Variants in DLD observed in about 807,000 individuals in gnomAD.
DLD encodes the protein dihydrolipoyl dehydrogenase, mitochondrial.
DLD carries 36 observed loss-of-function variants against 62.2 expected under a neutral mutation model. The observed-to-expected ratio is 0.58, with a 90% CI of 0.44 to 0.76. The LOEUF (loss-of-function observed/expected upper bound fraction) is 0.76. Among genes scored for constraint, DLD ranks in the 30% least tolerant of loss-of-function variants. DLD has a pLI of 0.00. For synonymous variants in DLD, 204 were observed against 199.6 expected, an observed-to-expected ratio of 1.02 and a Z score of -0.19; for missense variants, 541 against 608.6, an observed-to-expected ratio of 0.89 and a Z score of 1.17.
At chr7:107,910,469 CATG>C (rs2032113094) in intron 8 of DLD, among the ~76,000 whole-genome samples, 1 of 152,116 alleles carries the variant, frequency 6.6e-6, no homozygotes, top group East Asian at 1.9e-4. Flanking sequence ...ACTGTGTAGT[CATG>C]ATATCTATTT....
At chr7:107,895,814 CT>C (rs2031706617) in intron 2 of DLD, among the ~76,000 whole-genome samples, 1 of 152,076 alleles carries the variant, frequency 6.6e-6, no homozygotes, top group African/African-American at 2.4e-5. Context: ...CAGGTTGGAC[CT>C]TTTACTGTAA....
intron 2 of DLD, among the ~76,000 whole-genome samples, chr7:107,901,078 T>C (rs1335664865): frequency 1.3e-5 from 2 of 152,138 alleles, no homozygotes; most frequent in Admixed American, 1.3e-4. Flanking sequence ...TAGCCTATTA[T>C]CTTAAGGTAT....
rs2032251198 is a variant in DLD at position 107,915,667 on chromosome 7, CA to C, written c.848del (p.Lys283ArgfsTer42). ...TGAATACAAAGGTTACTGGTGCTAC[CA>C]AGAAGTCAGATGGAAAAATTGATGT... ...KLNTKVTGATKKSDGKIDVSI... is the reference protein window; with the variant it reads ...KLNTKVTGATXKSDGKIDVSI... On this transcript the variant is annotated frameshift_variant, in exon 9 of 14. Transcript: ENST00000205402. LOFTEE classifies it high-confidence loss of function. The C allele has an allele frequency of 1.2e-6, 2 of 1,613,482 alleles. No individual in the cohort carries two copies.
Position 107,891,222 on chromosome 7 carries a change from A to C in DLD, c.-29A>C. 1 of 1,613,946 alleles carries C rather than the reference A, an allele frequency of 6.2e-7. No individual in the cohort carries two copies. The highest frequency in any genetic ancestry group is 8.5e-7 in the Non-Finnish European group (1 of 1,179,838). On this transcript the variant is annotated 5_prime_UTR_variant, in exon 1 of 14. Transcript: ENST00000205402. The stretch of plus-strand genomic sequence containing the variant: ...GGAGGCGCCCAGCGGAGGTGAAAGT[A>C]TTGGCGGAAAGGAAAATACAGCGGA...
At chr7:107,891,338 C>G (rs762389572) in intron 1 of DLD, 49 bp downstream of exon 1, 2 of 1,608,572 alleles carry the variant, frequency 1.2e-6, no homozygotes, top group South Asian at 1.1e-5. Context: ...CACGGAAGGT[C>G]CCGCTCAGTG....
intron 8 of DLD, 28 bp downstream of exon 8, chr7:107,906,396 A>G: frequency 7.0e-7 from 1 of 1,432,114 alleles, no homozygotes; most frequent in South Asian, 1.1e-5. Flanking sequence ...GCCTCTTATT[A>G]CCTCCTTGGA....
At chr7:107,896,838 G>GTTTTTTT (rs200714016) in intron 2 of DLD, among the ~76,000 whole-genome samples, 1 of 149,032 alleles carries the variant, frequency 6.7e-6, no homozygotes, top group African/African-American at 2.5e-5. Context: ...TTTTGTTTTT[G>GTTTTTTT]TTTGTTTTTT....
chr7:107,905,535 C>A (rs1397879601), intron 7 of DLD, 31 bp downstream of exon 7: 2 of 1,607,414 alleles, frequency 1.2e-6, no homozygotes, highest in Admixed American at 3.3e-5. Flanking sequence ...ACAACCATTA[C>A]AACTTTTCTT....
intron 5 of DLD, 44 bp from the exon 6 acceptor site, chr7:107,904,914 C>T: frequency 6.8e-7 from 1 of 1,468,456 alleles, no homozygotes; most frequent in Non-Finnish European, 9.5e-7. Flanking sequence ...CATATTGCTT[C>T]AAGAATTTAG....
At chr7:107,897,655 T>C (rs1056196566) in intron 2 of DLD, among the ~76,000 whole-genome samples, 19 of 149,996 alleles carry the variant, frequency 1.3e-4, no homozygotes, top group Non-Finnish European at 2.4e-4. Flanking sequence ...CTTGGTTCAC[T>C]GCAACTTCCA....
chr7:107,917,053 T>C (rs886133503), intron 10 of DLD, 89 bp downstream of exon 10: 7 of 1,364,510 alleles, frequency 5.1e-6, no homozygotes, highest in Non-Finnish European at 7.2e-6. Flanking sequence ...GCTTAAAATA[T>C]GTATTGGCTT....
At position 107,908,462 on chromosome 7, in the gene DLD, G is replaced by A. The variant is rs113079301; in HGVS notation, c.684+2094G>A. On this transcript the variant is annotated intron_variant, in intron 8 of 13. Transcript: ENST00000205402. ...GCAGGCAGATTGCTTAAGCCCAAGA[G>A]TTTGAGACTAGCCTGGGCAACAATG... Among the ~76,000 whole-genome samples, 1,385 of 152,008 alleles carry A rather than the reference G, an allele frequency of 9.1e-3. 19 individuals carry two copies. The highest frequency in any genetic ancestry group is 0.032 in the African/African-American group (1,315 of 41,502).
chr7:107,892,638 C>T (rs1200381833), intron 1 of DLD, among the ~76,000 whole-genome samples: 6 of 152,130 alleles, frequency 3.9e-5, no homozygotes, highest in Non-Finnish European at 5.9e-5. Context: ...TTCCGCCTCC[C>T]GGGTTCAAGT....
intron 2 of DLD, among the ~76,000 whole-genome samples, chr7:107,901,426 G>A (rs550753309): frequency 2.6e-5 from 4 of 152,194 alleles, no homozygotes; most frequent in East Asian, 1.9e-4. Context: ...ACTAAATTCC[G>A]TCAGTTATTA....
intron 7 of DLD, 97 bp downstream of exon 7, chr7:107,905,601 A>C: frequency 2.3e-6 from 3 of 1,312,196 alleles, no homozygotes; most frequent in Non-Finnish European, 3.3e-6. Context: ...GAGATTTCTG[A>C]CTGAAATACT....
At chr7:107,906,005 CT>C (rs538394177) in intron 7 of DLD, among the ~76,000 whole-genome samples, 2 of 152,142 alleles carry the variant, frequency 1.3e-5, no homozygotes, top group African/African-American at 4.8e-5. Context: ...CTCCTGTATA[CT>C]TTAAGTCATC....
chr7:107,892,356 A>G (rs2031603740), intron 1 of DLD, among the ~76,000 whole-genome samples: 1 of 152,204 alleles, frequency 6.6e-6, no homozygotes, highest in Admixed American at 6.5e-5. Context: ...CATTTTCCTA[A>G]GTTACCTTGT....
At chr7:107,892,127 C>G (rs917264594) in intron 1 of DLD, among the ~76,000 whole-genome samples, 2 of 152,116 alleles carry the variant, frequency 1.3e-5, no homozygotes, top group Non-Finnish European at 2.9e-5. Context: ...GTTTGCTGTC[C>G]TGACCTCAAA....
At chr7:107,896,227 G>A (rs948136261) in intron 2 of DLD, among the ~76,000 whole-genome samples, 11 of 152,220 alleles carry the variant, frequency 7.2e-5, no homozygotes, top group African/African-American at 2.7e-4. Context: ...TTGGGTTTTA[G>A]CTTTGCGGTA....
Sources: gnomAD v4.1 joint callset for allele counts (sites outside exome capture counted in the v4.1 genomes callset) on GRCh38, gnomAD v4.1.1 for gene constraint, MANE v1.5 for transcripts, NCBI Gene and HGNC (gene_info 2026-07-23, HGNC 2026-07-21) for gene names.